The following QTMAN variants were observed in gnomAD, a reference collection of about 807,000 sequenced individuals.
The protein encoded by QTMAN is tRNA-queuosine alpha-mannosyltransferase.
At chr2:144,156,761 A>C in the QTMAN span, among the ~76,000 whole-genome samples, 2 of 152,142 alleles carry the variant, frequency 1.3e-5, no homozygotes, top group African/African-American at 2.4e-5. Context: ...TAGATTATCT[A>C]AAATGAAGTA....
the QTMAN span, among the ~76,000 whole-genome samples, chr2:144,190,990 T>A: frequency 6.6e-6 from 1 of 152,226 alleles, no homozygotes. Flanking sequence ...CACTGAGTTT[T>A]AACACTGCAT....
At chr2:144,058,915 C>T in the QTMAN span, among the ~76,000 whole-genome samples, 1 of 152,172 alleles carries the variant, frequency 6.6e-6, no homozygotes. Flanking sequence ...ACAATTAGTG[C>T]CTCATTTCAA....
the QTMAN span, among the ~76,000 whole-genome samples, chr2:144,089,493 A>C: frequency 6.6e-6 from 1 of 152,022 alleles, no homozygotes; most frequent in Admixed American, 6.6e-5. Flanking sequence ...CTGTACTGGC[A>C]GGTTTATTGC....
At chr2:144,015,066 T>C in the QTMAN span, among the ~76,000 whole-genome samples, 1 of 152,338 alleles carries the variant, frequency 6.6e-6, no homozygotes, top group Admixed American at 6.5e-5. Flanking sequence ...TATTCAATTT[T>C]ATAAAATCCC....
At chr2:144,226,507 A>G in the QTMAN span, among the ~76,000 whole-genome samples, 3 of 152,286 alleles carry the variant, frequency 2.0e-5, no homozygotes, top group East Asian at 1.9e-4. Context: ...TATTTTGCCT[A>G]CATTGTGATT....
chr2:144,089,741 C>G, the QTMAN span, among the ~76,000 whole-genome samples: 1 of 151,684 alleles, frequency 6.6e-6, no homozygotes, highest in Non-Finnish European at 1.5e-5. Flanking sequence ...TGGAGGTGGA[C>G]AGTTGAAAGA....
the QTMAN span, among the ~76,000 whole-genome samples, chr2:144,287,191 CT>C: frequency 1.3e-5 from 2 of 152,224 alleles, no homozygotes; most frequent in Non-Finnish European, 2.9e-5. Context: ...AATCCCAGCA[CT>C]TTGGGAGGCC....
chr2:144,113,952 G>T, the QTMAN span, among the ~76,000 whole-genome samples: 1 of 152,220 alleles, frequency 6.6e-6, no homozygotes, highest in Admixed American at 6.5e-5. Flanking sequence ...TTTCAAAGAT[G>T]AGTGCCCCTA....
chr2:144,253,739 T>G, the QTMAN span, among the ~76,000 whole-genome samples: 1 of 151,788 alleles, frequency 6.6e-6, no homozygotes, highest in African/African-American at 2.4e-5. Context: ...TTTGGAAAAT[T>G]TGCAGCCTAA....
chr2:143,964,067 G>T, the QTMAN span: 17 of 152,028 alleles, frequency 1.1e-4, no homozygotes, highest in Non-Finnish European at 2.5e-4. Flanking sequence ...TATAAGGTTT[G>T]CCCATAAACA....
chr2:144,043,770 A>G, the QTMAN span, among the ~76,000 whole-genome samples: 1 of 152,214 alleles, frequency 6.6e-6, no homozygotes, highest in Non-Finnish European at 1.5e-5. Flanking sequence ...AAGTCATTTG[A>G]GAGAGGTTGC....
chr2:144,306,517 C>CTTT, the QTMAN span, among the ~76,000 whole-genome samples: 3 of 152,206 alleles, frequency 2.0e-5, no homozygotes, highest in South Asian at 6.2e-4. Flanking sequence ...CTAGTTTTTC[C>CTTT]TTCTTCTTCT....
chr2:143,983,632 C>G, the QTMAN span, among the ~76,000 whole-genome samples: 1 of 152,014 alleles, frequency 6.6e-6, no homozygotes, highest in African/African-American at 2.4e-5. Context: ...TGCCACCATG[C>G]CCGGCTAATT....
At chr2:144,126,425 C>A in the QTMAN span, among the ~76,000 whole-genome samples, 1 of 151,884 alleles carries the variant, frequency 6.6e-6, no homozygotes, top group Non-Finnish European at 1.5e-5. Flanking sequence ...CATAGAAAAA[C>A]CACTGCTATG....
chr2:144,078,131 A>G, the QTMAN span, among the ~76,000 whole-genome samples: 1 of 152,204 alleles, frequency 6.6e-6, no homozygotes, highest in Non-Finnish European at 1.5e-5. Flanking sequence ...TACTGCATTC[A>G]TTTATTGTTC....
the QTMAN span, among the ~76,000 whole-genome samples, chr2:144,284,336 A>G: frequency 6.6e-6 from 1 of 152,102 alleles, no homozygotes; most frequent in East Asian, 1.9e-4. Flanking sequence ...GCAGAAAAAA[A>G]TCATAAAAAT....
At chr2:144,193,215 T>G in the QTMAN span, among the ~76,000 whole-genome samples, 2 of 152,032 alleles carry the variant, frequency 1.3e-5, no homozygotes, top group African/African-American at 4.8e-5. Flanking sequence ...ATCTTTTTCA[T>G]ACTGATAATT....
At chr2:144,208,528 A>C in the QTMAN span, 6 of 1,218,768 alleles carry the variant, frequency 4.9e-6, no homozygotes, top group Admixed American at 2.0e-5. Context: ...TCTCAAAGAT[A>C]CTGATGGAGA....
the QTMAN span, among the ~76,000 whole-genome samples, chr2:144,132,946 A>G: frequency 1.5e-5 from 2 of 136,548 alleles, no homozygotes; most frequent in Non-Finnish European, 3.0e-5. Flanking sequence ...TACAAATTCA[A>G]TATTCAATTT....
Sources: gnomAD v4.1 joint callset for allele counts (sites outside exome capture counted in the v4.1 genomes callset) on GRCh38, gnomAD v4.1.1 for gene constraint, MANE v1.5 for transcripts, NCBI Gene and HGNC (gene_info 2026-07-23, HGNC 2026-07-21) for gene names.